ADGRL3: variants seen among roughly 807,000 people sequenced by gnomAD.
The protein encoded by ADGRL3 is calcium-independent alpha-latrotoxin receptor 3.
A neutral mutation model predicts 153.5 loss-of-function variants in ADGRL3; 62 were observed. That is an observed-to-expected ratio of 0.40 (90% CI 0.33 to 0.50). The LOEUF is 0.50. ADGRL3 is among the 20% of genes least tolerant of loss of function. ADGRL3 has a pLI of 0.47. For missense variants in ADGRL3, 1,641 were observed against 1,859.4 expected (o/e 0.88, Z 2.16); for synonymous variants, 710 against 672.5 (o/e 1.06, Z -0.86).
chr4:61,784,683 T>C (rs1013181674), intron 8 of ADGRL3, among the ~76,000 whole-genome samples: 1 of 152,114 alleles, frequency 6.6e-6, no homozygotes, highest in African/African-American at 2.4e-5. Flanking sequence ...TTCCTAAGAA[T>C]TGGGTTCAGA....
chr4:61,521,301 G>A lies in ADGRL3; in HGVS notation c.259+3783G>A, dbSNP rs142268725. ...CTGAGTAGACGAAACAGCAACACAA[G>A]GGCCTAGTTCAGGATGATTGAAACA... is the stretch of plus-strand genomic sequence containing the variant. On this transcript the variant is annotated intron_variant, in intron 4 of 26. Coordinates refer to ENST00000683033, the MANE Select transcript of ADGRL3 (RefSeq NM_001387552.1). 2.8e-3 allele frequency among the ~76,000 whole-genome samples: 423 copies of A among 152,234 alleles called. 1 individual carries two copies. Among genetic ancestry groups the A allele is most frequent in the Non-Finnish European group, 3.8e-3 (258 of 68,014 alleles).
chr4:61,754,095 A>AGGGTCT (rs1171315547), intron 8 of ADGRL3, among the ~76,000 whole-genome samples: 1 of 152,180 alleles, frequency 6.6e-6, no homozygotes, highest in Non-Finnish European at 1.5e-5. Flanking sequence ...CCAGTTTCGA[A>AGGGTCT]GGGTCTTTGT....
At chr4:61,541,423 T>C (rs1355262380) in intron 4 of ADGRL3, among the ~76,000 whole-genome samples, 1 of 147,470 alleles carries the variant, frequency 6.8e-6, no homozygotes, top group East Asian at 2.1e-4. Context: ...GACATTGTAA[T>C]GGACTTTCCT....
At chr4:61,921,756 A>G (rs1232384609) in intron 13 of ADGRL3, among the ~76,000 whole-genome samples, 1 of 152,034 alleles carries the variant, frequency 6.6e-6, no homozygotes, top group African/African-American at 2.4e-5. Flanking sequence ...ACTCATATCT[A>G]TATTTTTATA....
At chr4:61,349,136 G>T (rs889351465) in intron 1 of ADGRL3, among the ~76,000 whole-genome samples, 2 of 151,958 alleles carry the variant, frequency 1.3e-5, no homozygotes, top group Non-Finnish European at 2.9e-5. Context: ...TTTATAATAA[G>T]TTACTAGTTA....
chr4:61,478,171 T>C (rs967545968), intron 2 of ADGRL3, among the ~76,000 whole-genome samples: 2 of 152,116 alleles, frequency 1.3e-5, no homozygotes, highest in Non-Finnish European at 2.9e-5. Flanking sequence ...AGAGTACTTA[T>C]GGGCATTTAG....
At chr4:61,418,936 A>T (rs2097173308) in intron 2 of ADGRL3, among the ~76,000 whole-genome samples, 1 of 150,784 alleles carries the variant, frequency 6.6e-6, no homozygotes, top group African/African-American at 2.5e-5. Context: ...CAGTTTAGTG[A>T]CTATAAATAG....
chr4:61,663,692 C>G (rs1417513413), intron 5 of ADGRL3, among the ~76,000 whole-genome samples: 1 of 152,192 alleles, frequency 6.6e-6, no homozygotes, highest in Non-Finnish European at 1.5e-5. Context: ...AGTGACATCC[C>G]ACGTCTCCTG....
chr4:61,756,839 A>C (rs1267406249), intron 8 of ADGRL3, among the ~76,000 whole-genome samples: 2 of 152,140 alleles, frequency 1.3e-5, no homozygotes, highest in Non-Finnish European at 2.9e-5. Flanking sequence ...AGGGTTGTTG[A>C]ATTTTGTCAA....
chr4:62,068,780 G>A (rs1744354753), intron 26 of ADGRL3, among the ~76,000 whole-genome samples: 2 of 152,120 alleles, frequency 1.3e-5, no homozygotes, highest in Non-Finnish European at 2.9e-5. Context: ...TGTGATGGCT[G>A]CTTATTAATA....
chr4:61,380,160 T>A (rs935334266), intron 1 of ADGRL3, among the ~76,000 whole-genome samples: 1 of 151,952 alleles, frequency 6.6e-6, no homozygotes, highest in African/African-American at 2.4e-5. Context: ...AATGTGTGTA[T>A]GTATATGTAT....
intron 17 of ADGRL3, among the ~76,000 whole-genome samples, chr4:61,950,457 C>T (rs536283628): frequency 6.6e-6 from 1 of 152,208 alleles, no homozygotes; most frequent in African/African-American, 2.4e-5. Flanking sequence ...GGAGCGAAAA[C>T]ATAAAGATAT....
At chr4:61,788,535 C>A (rs576679318) in intron 8 of ADGRL3, among the ~76,000 whole-genome samples, 1 of 152,276 alleles carries the variant, frequency 6.6e-6, no homozygotes, top group South Asian at 2.1e-4. Flanking sequence ...ATCTGAACAG[C>A]AGCCCTTGAG....
intron 9 of ADGRL3, among the ~76,000 whole-genome samples, chr4:61,816,447 C>T (rs932352939): frequency 3.9e-5 from 6 of 152,060 alleles, no homozygotes; most frequent in African/African-American, 1.4e-4. Context: ...TTGCTGATGT[C>T]CCATTAGCCA....
In ADGRL3 at chr4:61,796,594, C is replaced by T. The variant is rs369656020; in HGVS notation, c.1400-17215C>T. ...GATTTGTTGATGACTTCATAAAAGA[C>T]GAGATGCCTGTTCTAATAATAACAC... On this transcript the variant is annotated intron_variant, in intron 8 of 26. Transcript: ENST00000683033. 1.7e-4 allele frequency among the ~76,000 whole-genome samples: 26 copies of T among 152,192 alleles called. 2 individuals are homozygous for T. In the South Asian group the frequency reaches 4.8e-3, roughly 28 times the overall value.
chr4:61,935,300 C>A (rs1445768993), intron 14 of ADGRL3, among the ~76,000 whole-genome samples: 3 of 151,966 alleles, frequency 2.0e-5, no homozygotes, highest in Non-Finnish European at 4.4e-5. Context: ...TTTTAAAGGA[C>A]TTTTATGTAT....
chr4:61,766,372 C>T (rs990396822), intron 8 of ADGRL3, among the ~76,000 whole-genome samples: 17 of 152,032 alleles, frequency 1.1e-4, no homozygotes, highest in Admixed American at 5.2e-4. Context: ...ATTAATGCAG[C>T]GGCAGCAGCT....
chr4:61,380,525 T>G (rs2096654720), intron 1 of ADGRL3, among the ~76,000 whole-genome samples: 1 of 152,060 alleles, frequency 6.6e-6, no homozygotes, highest in Non-Finnish European at 1.5e-5. Flanking sequence ...ATATATGTGA[T>G]TGCTTTACAA....
chr4:61,661,878 G>A (rs1166357330), intron 5 of ADGRL3, among the ~76,000 whole-genome samples: 1 of 152,162 alleles, frequency 6.6e-6, no homozygotes, highest in Non-Finnish European at 1.5e-5. Flanking sequence ...TATTCATTAA[G>A]TATGTATTTA....
Sources: gnomAD v4.1 joint callset for allele counts (sites outside exome capture counted in the v4.1 genomes callset) on GRCh38, gnomAD v4.1.1 for gene constraint, MANE v1.5 for transcripts, NCBI Gene and HGNC (gene_info 2026-07-23, HGNC 2026-07-21) for gene names.